Variants in TMEM117 observed in about 807,000 individuals in gnomAD.
TMEM117 encodes transmembrane protein 117.
TMEM117 carries 27 observed loss-of-function variants against 52.4 expected under a neutral mutation model. That is an observed-to-expected ratio of 0.51 (90% CI 0.38 to 0.71). TMEM117 has a LOEUF of 0.71. Among genes scored for constraint, TMEM117 ranks in the 30% least tolerant of loss-of-function variants. The pLI, the probability that TMEM117 is intolerant of heterozygous loss-of-function variation, is 0.00. For synonymous variants in TMEM117, 215 were observed against 206.3 expected, an observed-to-expected ratio of 1.04 and a Z score of -0.36; for missense variants, 556 against 630.5, an observed-to-expected ratio of 0.88 and a Z score of 1.26.
At chr12:43,892,727 A>C (rs1417423429) in intron 2 of TMEM117, among the ~76,000 whole-genome samples, 1 of 152,264 alleles carries the variant, frequency 6.6e-6, no homozygotes, top group Non-Finnish European at 1.5e-5. Context: ...CTGGGGCTAC[A>C]GTGATAAACA....
At chr12:44,261,487 G>T (rs1950320317) in intron 5 of TMEM117, among the ~76,000 whole-genome samples, 1 of 152,090 alleles carries the variant, frequency 6.6e-6, no homozygotes, top group African/African-American at 2.4e-5. Flanking sequence ...TGATATTACT[G>T]AGGATTTGGG....
chr12:43,915,609 A>G (rs764510760), intron 2 of TMEM117, among the ~76,000 whole-genome samples: 3 of 152,198 alleles, frequency 2.0e-5, no homozygotes, highest in Non-Finnish European at 4.4e-5. Flanking sequence ...GCCAGTGACT[A>G]TCTGCTGGCT....
chr12:44,337,925 A>G (rs980523959), intron 6 of TMEM117, among the ~76,000 whole-genome samples: 5 of 152,110 alleles, frequency 3.3e-5, no homozygotes, highest in Non-Finnish European at 4.4e-5. Context: ...GCAGCCATGA[A>G]TGATTAAGAA....
chr12:43,813,231 G>GTTTTTTTTTTTTTTTTTTTTTTTTTTTT, the TMEM117 span, among the ~76,000 whole-genome samples: 7 of 62,618 alleles, frequency 1.1e-4, 1 homozygote, highest in East Asian at 5.1e-4. Context: ...GTTTTCTCTT[G>GTTTTTTTTTTTTTTTTTTTTTTTTTTTT]TTTTTTTTTT....
At chr12:44,325,842 A>G (rs529874507) in intron 6 of TMEM117, among the ~76,000 whole-genome samples, 2 of 152,278 alleles carry the variant, frequency 1.3e-5, no homozygotes, top group East Asian at 1.9e-4. Flanking sequence ...TATATAAAAC[A>G]TATAAAAAAG....
chr12:43,855,044 G>A (rs1430865500), intron 2 of TMEM117, among the ~76,000 whole-genome samples: 2 of 152,142 alleles, frequency 1.3e-5, no homozygotes, highest in Admixed American at 1.3e-4. Context: ...CATCAGACAT[G>A]TTAATATTTC....
intron 1 of TMEM117, among the ~76,000 whole-genome samples, chr12:43,839,996 C>G (rs1326223488): frequency 6.6e-6 from 1 of 152,212 alleles, no homozygotes; most frequent in Non-Finnish European, 1.5e-5. Flanking sequence ...CCCAGTGTTC[C>G]AGCCACACAG....
At chr12:44,362,513 A>C (rs1229009563) in intron 6 of TMEM117, among the ~76,000 whole-genome samples, 1 of 152,106 alleles carries the variant, frequency 6.6e-6, no homozygotes, top group Non-Finnish European at 1.5e-5. Context: ...ACTGACACAA[A>C]CAGTTCTTGA....
At chr12:44,375,915 A>G (rs1181966282) in intron 6 of TMEM117, among the ~76,000 whole-genome samples, 2 of 152,170 alleles carry the variant, frequency 1.3e-5, no homozygotes, top group Non-Finnish European at 2.9e-5. Flanking sequence ...CCCTTCCTTC[A>G]GAGAAGGAGG....
chr12:44,166,797 A>T (rs1315715345), intron 4 of TMEM117, among the ~76,000 whole-genome samples: 4 of 152,196 alleles, frequency 2.6e-5, no homozygotes, highest in African/African-American at 9.7e-5. Context: ...ACAGAATTTT[A>T]AATTCTCCAA....
intron 3 of TMEM117, among the ~76,000 whole-genome samples, chr12:43,945,861 C>T (rs887473312): frequency 1.3e-5 from 2 of 152,018 alleles, no homozygotes; most frequent in Non-Finnish European, 2.9e-5. Flanking sequence ...TTTGATGTTA[C>T]GTATAGATTT....
At chr12:44,205,051 TGGGACATAAACTA>T (rs1392758865) in intron 4 of TMEM117, among the ~76,000 whole-genome samples, 1 of 152,176 alleles carries the variant, frequency 6.6e-6, no homozygotes, top group Non-Finnish European at 1.5e-5. Context: ...AATGGACATG[TGGGACATAAACTA>T]AAGAGCTTCT....
intron 3 of TMEM117, among the ~76,000 whole-genome samples, chr12:44,089,808 A>G (rs1331798631): frequency 6.6e-6 from 1 of 152,218 alleles, no homozygotes; most frequent in Non-Finnish European, 1.5e-5. Flanking sequence ...TTGGTGGGCC[A>G]TAGGTTTCAG....
At position 44,099,376 on chromosome 12, in the gene TMEM117, A is replaced by G. The variant is rs1947825174; in HGVS notation, c.411-44149A>G. Reference sequence around the variant, plus strand: ...ATTTTCATGCCCTAAATGGTATGCCACAGTGGACTTGGTTGAAGAAATTAA... The same window carrying G: ...ATTTTCATGCCCTAAATGGTATGCCGCAGTGGACTTGGTTGAAGAAATTAA... On this transcript the variant is annotated intron_variant, in intron 3 of 7. Transcript: ENST00000266534. 2.0e-5 allele frequency among the ~76,000 whole-genome samples: 3 copies of G among 152,132 alleles called. No individual in the cohort carries two copies. In the South Asian group the frequency reaches 6.2e-4, roughly 31 times the overall value.
intron 5 of TMEM117, among the ~76,000 whole-genome samples, chr12:44,282,223 C>T (rs1950586461): frequency 6.6e-6 from 1 of 152,132 alleles, no homozygotes; most frequent in Non-Finnish European, 1.5e-5. Flanking sequence ...TTCCCCGTCT[C>T]AGGTATGTCA....
At chr12:44,326,609 G>C (rs1236038426) in intron 6 of TMEM117, among the ~76,000 whole-genome samples, 1 of 152,218 alleles carries the variant, frequency 6.6e-6, no homozygotes, top group African/African-American at 2.4e-5. Context: ...GAAGAGCAAT[G>C]TGCTGAAATT....
At chr12:44,283,935 G>A (rs1950607666) in intron 5 of TMEM117, among the ~76,000 whole-genome samples, 2 of 152,262 alleles carry the variant, frequency 1.3e-5, no homozygotes, top group East Asian at 3.9e-4. Flanking sequence ...TTAGGATAGG[G>A]TGAATATGTC....
chr12:44,317,002 C>CTTTTTTTTTTTTTT (rs1202276425), intron 6 of TMEM117, among the ~76,000 whole-genome samples: 4 of 121,528 alleles, frequency 3.3e-5, no homozygotes, highest in Admixed American at 8.5e-5. Context: ...TTTTCTTTTT[C>CTTTTTTTTTTTTTT]TTTTTTTTTT....
chr12:44,022,033 C>A (rs1164255693), intron 3 of TMEM117, among the ~76,000 whole-genome samples: 3 of 152,066 alleles, frequency 2.0e-5, no homozygotes, highest in Non-Finnish European at 4.4e-5. Flanking sequence ...TTGTTTCTGC[C>A]TTGGCATGAA....
Sources: gnomAD v4.1 joint callset for allele counts (sites outside exome capture counted in the v4.1 genomes callset) on GRCh38, gnomAD v4.1.1 for gene constraint, MANE v1.5 for transcripts, NCBI Gene and HGNC (gene_info 2026-07-23, HGNC 2026-07-21) for gene names.